Variants in FAM193A observed in about 807,000 individuals in gnomAD.
FAM193A encodes the protein family with sequence similarity 193 member A.
Under a neutral mutation model 126.5 loss-of-function variants are expected in FAM193A, and 22 were observed. That is an observed-to-expected ratio of 0.17 (90% CI 0.12 to 0.25). The LOEUF (loss-of-function observed/expected upper bound fraction) is 0.25. Ranked by LOEUF, FAM193A falls within the 10% of genes least tolerant of loss-of-function variation. The probability of loss-of-function intolerance (pLI) is 1.00; values close to 1 mark genes in which losing one functional copy is unlikely to be tolerated. For synonymous variants in FAM193A, 761 were observed against 646.8 expected (o/e 1.18, Z -2.68); for missense variants, 1,675 against 1,672.8 (o/e 1.00, Z -0.02).
intron 1 of FAM193A, among the ~76,000 whole-genome samples, chr4:2,579,175 TTTAAA>T (rs140336694): frequency 0.029 from 4,356 of 151,974 alleles, 218 homozygotes; most frequent in African/African-American, 0.099. Context: ...CAGTATACGT[TTTAAA>T]TTAATCCAGA....
At chr4:2,614,063 G>A (rs1192960158) in intron 2 of FAM193A, among the ~76,000 whole-genome samples, 2 of 152,182 alleles carry the variant, frequency 1.3e-5, no homozygotes, top group Non-Finnish European at 2.9e-5. Flanking sequence ...CTGAGCCACC[G>A]CACCCGGCCT....
intron 13 of FAM193A, among the ~76,000 whole-genome samples, chr4:2,681,358 C>T (rs1205906556): frequency 6.6e-6 from 1 of 151,802 alleles, no homozygotes; most frequent in African/African-American, 2.4e-5. Flanking sequence ...TTAATCTCTG[C>T]TCTAAATTAC....
At chr4:2,573,727 C>T (rs1243497994) in intron 1 of FAM193A, among the ~76,000 whole-genome samples, 2 of 152,122 alleles carry the variant, frequency 1.3e-5, no homozygotes, top group Admixed American at 1.3e-4. Flanking sequence ...CTGCCTGGAG[C>T]TGACTTTCCA....
chr4:2,664,980 A>G (rs1712944970), intron 12 of FAM193A, among the ~76,000 whole-genome samples: 1 of 152,162 alleles, frequency 6.6e-6, no homozygotes, highest in African/African-American at 2.4e-5. Context: ...ATTGCATCGA[A>G]TTCTTGAATA....
At chr4:2,648,553 A>G (rs569514533) in intron 7 of FAM193A, among the ~76,000 whole-genome samples, 83 of 152,318 alleles carry the variant, frequency 5.4e-4, no homozygotes, top group Non-Finnish European at 1.0e-3. Context: ...AGCCTGGACT[A>G]CTGTGAGAGC....
chr4:2,685,994 C>T (rs1297494719), intron 13 of FAM193A, among the ~76,000 whole-genome samples: 5 of 152,140 alleles, frequency 3.3e-5, no homozygotes, highest in Non-Finnish European at 7.3e-5. Flanking sequence ...TGTTCTGATT[C>T]AATAGCGTAG....
chr4:2,731,196 CAAA>C (rs546217602), intron 20 of FAM193A, among the ~76,000 whole-genome samples: 83 of 86,860 alleles, frequency 9.6e-4, no homozygotes, highest in African/African-American at 4.1e-3. Context: ...AACTCCTTCT[CAAA>C]AAAAAAAAAA....
intron 1 of FAM193A, among the ~76,000 whole-genome samples, chr4:2,540,207 C>A (rs576986840): frequency 6.6e-6 from 1 of 151,868 alleles, no homozygotes; most frequent in Non-Finnish European, 1.5e-5. Flanking sequence ...CAGTGGCTCA[C>A]GCCTGTAATC....
intron 1 of FAM193A, among the ~76,000 whole-genome samples, chr4:2,587,929 C>T (rs1192183537): frequency 6.6e-6 from 1 of 152,118 alleles, no homozygotes. Context: ...AGGACAGAAT[C>T]AGTGGTCCTC....
chr4:2,731,415 A>C (rs1721377985), intron 20 of FAM193A, among the ~76,000 whole-genome samples: 1 of 151,614 alleles, frequency 6.6e-6, no homozygotes, highest in South Asian at 2.1e-4. Context: ...CGAACTCCTA[A>C]GTTGAAGTGA....
chr4:2,714,420 A>C (rs2282768), intron 19 of FAM193A, among the ~76,000 whole-genome samples: 58,869 of 151,734 alleles, frequency 0.39, 12,031 homozygotes, highest in Admixed American at 0.56. Flanking sequence ...CCTTTAACCT[A>C]ATCTTTCCCT....
chr4:2,547,452 A>C (rs1397508899), intron 1 of FAM193A, among the ~76,000 whole-genome samples: 1 of 151,738 alleles, frequency 6.6e-6, no homozygotes, highest in East Asian at 1.9e-4. Context: ...GGGTCTCACT[A>C]TGTTGCCCAG....
At chr4:2,619,939 C>T (rs529382316) in intron 2 of FAM193A, among the ~76,000 whole-genome samples, 16 of 152,310 alleles carry the variant, frequency 1.1e-4, no homozygotes, top group African/African-American at 3.6e-4. Flanking sequence ...GATCCACTCG[C>T]CTCATCCTCT....
intron 7 of FAM193A, among the ~76,000 whole-genome samples, chr4:2,657,585 C>G (rs1711865027): frequency 6.6e-6 from 1 of 152,118 alleles, no homozygotes; most frequent in Non-Finnish European, 1.5e-5. Flanking sequence ...GTTTATTCAT[C>G]TCTGTCTTTC....
chr4:2,726,491 C>G (rs1281162288), intron 20 of FAM193A, among the ~76,000 whole-genome samples: 2 of 152,208 alleles, frequency 1.3e-5, no homozygotes, highest in Non-Finnish European at 2.9e-5. Flanking sequence ...TCTGGCCTTG[C>G]TTCACAGCAT....
intron 1 of FAM193A, among the ~76,000 whole-genome samples, chr4:2,556,216 T>C (rs1271281389): frequency 6.6e-6 from 1 of 150,538 alleles, no homozygotes; most frequent in Non-Finnish European, 1.5e-5. Context: ...TGTCCTTTTT[T>C]TGTTGTTGTT....
chr4:2,609,045 C>T (rs1741706642), intron 2 of FAM193A, among the ~76,000 whole-genome samples: 2 of 151,806 alleles, frequency 1.3e-5, no homozygotes, highest in Admixed American at 1.3e-4. Flanking sequence ...CATCCACCAC[C>T]ACGGCTGGCT....
intron 4 of FAM193A, among the ~76,000 whole-genome samples, chr4:2,627,744 AT>A (rs764315526): frequency 2.7e-3 from 301 of 113,396 alleles, no homozygotes; most frequent in Middle Eastern, 5.7e-3. Flanking sequence ...TGCCCAGCTA[AT>A]TTTTTTTTTT....
chr4:2,605,565 T>C (rs1741485390), intron 2 of FAM193A, among the ~76,000 whole-genome samples: 1 of 152,236 alleles, frequency 6.6e-6, no homozygotes, highest in Admixed American at 6.5e-5. Context: ...CATTCTGTTG[T>C]CTATAAATAG....
Sources: allele counts gnomAD v4.1 joint callset (sites outside exome capture counted in the v4.1 genomes callset), GRCh38; gene constraint gnomAD v4.1.1; transcripts MANE v1.5; gene names NCBI Gene and HGNC (gene_info 2026-07-23, HGNC 2026-07-21).